The following SLC13A2 variants were observed in gnomAD, a reference collection of about 807,000 sequenced individuals.
The protein encoded by SLC13A2 is solute carrier family 13 member 2.
A neutral mutation model predicts 58.5 loss-of-function variants in SLC13A2; 40 were observed. The observed-to-expected ratio is 0.68, with a 90% CI of 0.53 to 0.89. SLC13A2 has a LOEUF of 0.89. Among genes scored for constraint, SLC13A2 ranks in the 40% least tolerant of loss-of-function variants. The probability of loss-of-function intolerance (pLI) is 0.00; values close to 1 mark genes in which losing one functional copy is unlikely to be tolerated. For synonymous variants in SLC13A2, 341 were observed against 331.6 expected (o/e 1.03, Z -0.31); for missense variants, 694 against 772.6 (o/e 0.90, Z 1.21).
Position 28,490,830 on chromosome 17 carries a change from C to A in SLC13A2, c.498C>A (p.Ser166Arg). The A allele has an allele frequency of 6.2e-7, 1 of 1,614,052 alleles. No homozygotes were observed. The highest frequency in any genetic ancestry group is 8.5e-7 in the Non-Finnish European group (1 of 1,179,980). ...AGCTGCACAGCTCGCAAGCCAGCAG[C>A]AACGTCGAGGAGGGCAGCAACAACC... ...LDQLHSSQAS[S>R]NVEEGSNNPT... The change falls in exon 4 of 12, where the codon AGC (serine) becomes AGA (arginine). Residue 166 changes from serine to arginine, a missense_variant. Coordinates refer to ENST00000314669, the MANE Select transcript of SLC13A2 (RefSeq NM_003984.4).
chr17:28,482,368 A>G (rs2068800726), intron 1 of SLC13A2, among the ~76,000 whole-genome samples: 2 of 152,210 alleles, frequency 1.3e-5, no homozygotes, highest in African/African-American at 2.4e-5. Context: ...CTGTATTTCA[A>G]TAAAATTGGT....
At chr17:28,487,688 T>C in intron 1 of SLC13A2, 1 of 563,516 alleles carries the variant, frequency 1.8e-6, no homozygotes, top group Non-Finnish European at 2.2e-6. Context: ...TCATTGCGGG[T>C]GAGGAAACAC....
chr17:28,479,371 TAAGAGG>T (rs1334601342), intron 1 of SLC13A2, among the ~76,000 whole-genome samples: 30 of 152,184 alleles, frequency 2.0e-4, no homozygotes, highest in African/African-American at 7.2e-4. Flanking sequence ...AGTGAGGCCT[TAAGAGG>T]CCTCACTAGA....
In SLC13A2 at chr17:28,473,734, C is replaced by T; in HGVS notation, c.22C>T (p.Leu8=). The T allele has an allele frequency of 6.2e-7, 1 of 1,614,146 alleles. No individual in the cohort carries two copies. The highest frequency in any genetic ancestry group is 8.5e-7 in the Non-Finnish European group (1 of 1,180,008). The change falls in exon 1 of 12, where the codon CTG becomes TTG. Residue 8 remains leucine, a synonymous_variant. Coordinates refer to ENST00000314669, the MANE Select transcript of SLC13A2 (RefSeq NM_003984.4). MATCWQA[L]WAYRSYLIVF... ...CACCATGGCCACCTGCTGGCAGGCC[C>T]TGTGGGCCTATCGCTCCTACCTGAT...
chr17:28,492,459 T>G (rs576600460), intron 6 of SLC13A2, among the ~76,000 whole-genome samples: 2 of 152,268 alleles, frequency 1.3e-5, no homozygotes, highest in South Asian at 4.2e-4. Context: ...AGGTAGAGAA[T>G]GGGTGAAGAA....
chr17:28,481,296 G>T (rs1299836615), intron 1 of SLC13A2, among the ~76,000 whole-genome samples: 4 of 152,108 alleles, frequency 2.6e-5, no homozygotes, highest in Non-Finnish European at 5.9e-5. Context: ...GTTCCCTTTG[G>T]CCTCTTAAAA....
rs1309088437 is a variant in SLC13A2 at position 28,496,775 on chromosome 17, C to T, written c.1608+188C>T. Reference sequence around the variant, plus strand: ...TGGTGGCATCTTCAGGCCCTGCCAGCCCCAGGCTATGTGAGAGGGAGGGAA... The same window carrying T: ...TGGTGGCATCTTCAGGCCCTGCCAGTCCCAGGCTATGTGAGAGGGAGGGAA... On this transcript the variant is annotated intron_variant, in intron 11 of 11. Coordinates refer to ENST00000314669, the MANE Select transcript of SLC13A2 (RefSeq NM_003984.4). The surrounding 1 kb of genome is among the most constrained non-coding windows in gnomAD (Gnocchi z 4.2). 6.6e-6 allele frequency among the ~76,000 whole-genome samples: 1 copy of T among 152,124 alleles called. No homozygotes were observed. The highest frequency in any genetic ancestry group is 1.5e-5 in the Non-Finnish European group (1 of 68,014).
chr17:28,492,123 C>A (rs1440194403), intron 6 of SLC13A2, among the ~76,000 whole-genome samples: 1 of 152,082 alleles, frequency 6.6e-6, no homozygotes, highest in African/African-American at 2.4e-5. Context: ...CACTTGATGC[C>A]CCTTCCCATA....
chr17:28,481,721 A>G (rs1250994377), intron 1 of SLC13A2, among the ~76,000 whole-genome samples: 1 of 152,242 alleles, frequency 6.6e-6, no homozygotes, highest in Non-Finnish European at 1.5e-5. Context: ...ATATTTTTAC[A>G]TATGAACTGG....
intron 1 of SLC13A2, among the ~76,000 whole-genome samples, chr17:28,477,058 G>A (rs1265795955): frequency 6.6e-6 from 1 of 151,942 alleles, no homozygotes; most frequent in Non-Finnish European, 1.5e-5. Context: ...TACTCGGGAG[G>A]CTGAAGCAGG....
rs1567858102 is a variant in SLC13A2 at position 28,493,407 on chromosome 17, A to C, written c.879-164A>C. The stretch of plus-strand genomic sequence containing the variant: ...ATAAGCAAGAACTATGGCCTCTAAA[A>C]GTCTTCTGCTCCTCCTCCAGAACCT... On this transcript the variant is annotated intron_variant, in intron 6 of 11. Transcript: ENST00000314669. 2.6e-5 allele frequency among the ~76,000 whole-genome samples: 4 copies of C among 152,162 alleles called. No individual in the cohort carries two copies. In the South Asian group the frequency reaches 8.3e-4, roughly 31 times the overall value.
intron 1 of SLC13A2, among the ~76,000 whole-genome samples, chr17:28,476,494 G>C (rs1396997291): frequency 1.3e-5 from 2 of 151,958 alleles, no homozygotes; most frequent in African/African-American, 4.8e-5. Flanking sequence ...AGTCACCAAG[G>C]CTCAGCCCTG....
chr17:28,497,059 C>T, intron 11 of SLC13A2, 40 bp from the exon 12 acceptor site: 2 of 1,600,798 alleles, frequency 1.2e-6, no homozygotes, highest in Non-Finnish European at 1.7e-6. Context: ...GGCAGTCCAG[C>T]CCAGTCCCTG....
chr17:28,497,308 C>G lies in SLC13A2; in HGVS notation c.*39C>G. 1 of 1,585,032 alleles carries G rather than the reference C, an allele frequency of 6.3e-7. No individual in the cohort carries two copies. The highest frequency in any genetic ancestry group is 8.6e-7 in the Non-Finnish European group (1 of 1,162,940). On this transcript the variant is annotated 3_prime_UTR_variant, in exon 12 of 12. Coordinates refer to ENST00000314669, the MANE Select transcript of SLC13A2 (RefSeq NM_003984.4). The stretch of plus-strand genomic sequence containing the variant: ...CTGGCCATGCCCAGGAAGACCCACC[C>G]CATTCCCACTCCTCTGAGCCCGGAG...
In SLC13A2 at chr17:28,496,915, C is replaced by T. The variant is rs143810555; in HGVS notation, c.1609-184C>T. ...AGCTCAGGAGGAGCGCCCCTTTCCC[C>T]TGTTAGCACAGGGAGTAAAGCAAGG... On this transcript the variant is annotated intron_variant, in intron 11 of 11. Transcript: ENST00000314669. This position sits in a 1 kb window ranked among gnomAD's most constrained non-coding sequence, Gnocchi z 4.2. Among the ~76,000 whole-genome samples the T allele has an allele frequency of 3.5e-4, 54 of 152,318 alleles. No individual in the cohort carries two copies. The highest frequency in any genetic ancestry group is 1.1e-3 in the African/African-American group (47 of 41,552).
chr17:28,483,777 C>T (rs1315387091), intron 1 of SLC13A2, among the ~76,000 whole-genome samples: 10 of 152,344 alleles, frequency 6.6e-5, no homozygotes, highest in Non-Finnish European at 1.2e-4. Context: ...AATGTGTTTA[C>T]AGCAGCGAAT....
Position 28,494,438 on chromosome 17 carries a change from A to G in SLC13A2, c.1234A>G (p.Thr412Ala). 1 of 1,614,158 alleles carries G rather than the reference A, an allele frequency of 6.2e-7. No homozygotes were observed. ...CCCTCTTGGCCTCCTCGACTGGAAGACGGTGAACCAGAAGATGCCGTGGAA... is the reference window on the plus strand; with the variant it reads ...CCCTCTTGGCCTCCTCGACTGGAAGGCGGTGAACCAGAAGATGCCGTGGAA... ...KAPLGLLDWKTVNQKMPWNIV... is the reference protein window; with the variant it reads ...KAPLGLLDWKAVNQKMPWNIV... Residue 412 changes from threonine to alanine, a missense_variant, in exon 9 of 12, where the codon ACG becomes GCG. Physicochemically the swap from Thr to Ala is moderately conservative, Grantham distance 58. Coordinates refer to ENST00000314669, the MANE Select transcript of SLC13A2 (RefSeq NM_003984.4). This position sits in a 1 kb window ranked among gnomAD's most constrained non-coding sequence, Gnocchi z 4.0.
chr17:28,494,639 G>A lies in SLC13A2; in HGVS notation c.1308+127G>A, dbSNP rs570828801. On this transcript the variant is annotated intron_variant, in intron 9 of 11. Coordinates refer to ENST00000314669, the MANE Select transcript of SLC13A2 (RefSeq NM_003984.4). This position sits in a 1 kb window ranked among gnomAD's most constrained non-coding sequence, Gnocchi z 4.0. ...CACGTAGGAGCCTCTCGGGTAGGCA[G>A]AGCCTTTGCAGCAGCTGGGAAGACT... is the stretch of plus-strand genomic sequence containing the variant. 1.5e-5 allele frequency: 21 copies of A among 1,381,330 alleles called. No individual in the cohort carries two copies. Among genetic ancestry groups the A allele is most frequent in the East Asian group, 7.0e-5 (3 of 42,582 alleles). The allele number at this position is 1,381,330 out of a possible 1,614,324, so 85.6% of individuals were successfully genotyped here. A position where few individuals can be genotyped will look rare whatever the true frequency, so the allele number is the denominator to read the frequency against.
At chr17:28,483,000 GA>G (rs2151449226) in intron 1 of SLC13A2, among the ~76,000 whole-genome samples, 1 of 152,376 alleles carries the variant, frequency 6.6e-6, no homozygotes, top group East Asian at 1.9e-4. Context: ...GCTAGGGGCA[GA>G]GGGGCAGTGG....
Sources: gnomAD v4.1 joint callset for allele counts (sites outside exome capture counted in the v4.1 genomes callset) on GRCh38, gnomAD v4.1.1 for gene constraint, Gnocchi (gnomAD v3.1) non-coding constraint, MANE v1.5 for transcripts, NCBI Gene and HGNC (gene_info 2026-07-23, HGNC 2026-07-21) for gene names.